PCDHA3: variants seen among roughly 807,000 people sequenced by gnomAD.
The protein encoded by PCDHA3 is protocadherin alpha-3.
In PCDHA3, 41 loss-of-function variants were observed where a neutral mutation model predicts 62.2. That is an observed-to-expected ratio of 0.66 (90% confidence interval 0.51 to 0.86). The LOEUF is 0.86. Ranked by LOEUF, PCDHA3 falls within the 40% of genes least tolerant of loss-of-function variation. The pLI is 0.00. For synonymous variants in PCDHA3, 640 were observed against 555.4 expected (o/e 1.15, Z -2.14); for missense variants, 1,304 against 1,241.2 (o/e 1.05, Z -0.76).
intron 1 of PCDHA3, chr5:140,870,179 G>T (rs184228916): frequency 2.5e-6 from 4 of 1,613,986 alleles, no homozygotes; most frequent in African/African-American, 2.7e-5. Context: ...CTCCCAGTAC[G>T]AGAGGACGCT....
intron 1 of PCDHA3, chr5:140,928,442 A>G (rs781976941): frequency 1.2e-6 from 2 of 1,614,166 alleles, no homozygotes; most frequent in South Asian, 1.1e-5. Flanking sequence ...GACTTTGAGC[A>G]GCTCAGGGGG....
In PCDHA3 at chr5:140,850,828, C is replaced by G. The variant is rs2150499866; in HGVS notation, c.2394+47237C>G. 6.3e-7 allele frequency: 1 copy of G among 1,598,230 alleles called. No homozygotes were observed. Among genetic ancestry groups the G allele is most frequent in the East Asian group, 2.2e-5 (1 of 44,856 alleles). On this transcript the variant is annotated intron_variant, in intron 1 of 3. Coordinates refer to ENST00000522353, the MANE Select transcript of PCDHA3 (RefSeq NM_018906.3). ...ATGGCCTTCAGCCCGGGCCTTTCTC[C>G]TTGTGCTGGATCTACAGAGCGAACG...
chr5:140,842,856 C>G, intron 1 of PCDHA3: 1 of 1,593,922 alleles, frequency 6.3e-7, no homozygotes, highest in Non-Finnish European at 8.6e-7. Flanking sequence ...TCGGTGCACA[C>G]GGAGAGCGGC....
chr5:140,914,944 C>CTTT (rs35695909), intron 1 of PCDHA3, among the ~76,000 whole-genome samples: 2 of 128,266 alleles, frequency 1.6e-5, no homozygotes, highest in Non-Finnish European at 3.3e-5. Context: ...GAAAAGTTGT[C>CTTT]TTTTTTTTTT....
intron 1 of PCDHA3, chr5:140,809,475 G>C (rs782745865): frequency 6.2e-7 from 1 of 1,614,098 alleles, no homozygotes; most frequent in Non-Finnish European, 8.5e-7. Flanking sequence ...TCTGGTGAGG[G>C]CCCACCCAAG....
chr5:140,955,324 T>G (rs1358791050), intron 1 of PCDHA3, among the ~76,000 whole-genome samples: 8 of 152,186 alleles, frequency 5.3e-5, no homozygotes, highest in Non-Finnish European at 8.8e-5. Flanking sequence ...CCTTGAATTG[T>G]AGTTCCCATA....
Position 140,980,736 on chromosome 5 carries a change from A to G in PCDHA3, c.2453+1729A>G, listed in dbSNP as rs1014210313. 6.6e-5 allele frequency among the ~76,000 whole-genome samples: 10 copies of G among 152,312 alleles called. No individual in the cohort carries two copies. The East Asian group carries it at 1.9e-3, about 29-fold the overall frequency. ...TTCGGGTTTCAATTAAGATATTATG[A>G]GATTTGAGTAGGGTAAGAAATAAAA... On this transcript the variant is annotated intron_variant, in intron 2 of 3. Transcript: ENST00000522353.
chr5:140,856,479 C>T, intron 1 of PCDHA3: 1 of 1,598,354 alleles, frequency 6.3e-7, no homozygotes, highest in Non-Finnish European at 8.6e-7. Context: ...ATACCTGAAT[C>T]CAGACTGCTT....
chr5:140,842,896 C>G, intron 1 of PCDHA3: 1 of 1,594,370 alleles, frequency 6.3e-7, no homozygotes, highest in Non-Finnish European at 8.6e-7. Context: ...CGCTGGACCA[C>G]GAGGAGCTAG....
chr5:140,942,511 CAG>C (rs574477918), intron 1 of PCDHA3, among the ~76,000 whole-genome samples: 21 of 151,458 alleles, frequency 1.4e-4, no homozygotes, highest in Non-Finnish European at 2.8e-4. Flanking sequence ...CTAGGAAACT[CAG>C]AGGGGAAGCA....
chr5:140,802,676 G>C lies in PCDHA3; in HGVS notation c.1479G>C (p.Ser493=), dbSNP rs541522479. Residue 493 remains serine (S), a synonymous_variant, in exon 1 of 4, where the codon TCG becomes TCC. Transcript: ENST00000522353. The stretch of plus-strand genomic sequence containing the variant: ...AGGAGAACGCCCTGGTGTCCTACTC[G>C]CTGGTGGAACGGCGGGTGGGGGAGC... ...DAQENALVSY[S]LVERRVGERA... is the part of the protein sequence containing the mutation. 1 of 1,613,260 alleles carries C rather than the reference G, an allele frequency of 6.2e-7. No homozygotes were observed. Among genetic ancestry groups the C allele is most frequent in the Admixed American group, 1.7e-5 (1 of 60,004 alleles).
At chr5:140,877,627 A>G (rs782765998) in intron 1 of PCDHA3, 3 of 1,613,732 alleles carry the variant, frequency 1.9e-6, no homozygotes, top group Admixed American at 3.3e-5. Context: ...GCTGCTGTAC[A>G]CTGCGCTGCG....
rs2150411211 is a variant in PCDHA3, at chr5:140,848,488, T to C, written c.2394+44897T>C. The C allele has an allele frequency of 1.0e-5, 16 of 1,574,158 alleles. 1 individual carries two copies. The highest frequency in any genetic ancestry group is 3.4e-4 in the Middle Eastern group (2 of 5,918). On this transcript the variant is annotated intron_variant, in intron 1 of 3. Coordinates refer to ENST00000522353, the MANE Select transcript of PCDHA3 (RefSeq NM_018906.3). ...TTTCACTAATTAGAAGAAGACTGAG[T>C]ATTTGAAATGTTATACTCAAGTCGA... is the stretch of plus-strand genomic sequence containing the variant.
intron 1 of PCDHA3, among the ~76,000 whole-genome samples, chr5:140,839,019 G>A (rs1394721397): frequency 6.6e-6 from 1 of 151,970 alleles, no homozygotes; most frequent in African/African-American, 2.4e-5. Flanking sequence ...AATTATTTTA[G>A]GATATGTTAC....
Position 140,821,928 on chromosome 5 carries a change from A to G in PCDHA3, c.2394+18337A>G, listed in dbSNP as rs147874482. Reference sequence around the variant, plus strand: ...TCGTTGGCCGCATCGCGCAGGACCTAGGGCTGGAGCTGGCGGAGCTGGTGC... The same window carrying G: ...TCGTTGGCCGCATCGCGCAGGACCTGGGGCTGGAGCTGGCGGAGCTGGTGC... On this transcript the variant is annotated intron_variant, in intron 1 of 3. Coordinates refer to ENST00000522353, the MANE Select transcript of PCDHA3 (RefSeq NM_018906.3). 9.9e-6 allele frequency: 16 copies of G among 1,614,034 alleles called. No individual in the cohort carries two copies. The African/African-American group carries it at 1.7e-4, about 17-fold the overall frequency.
intron 1 of PCDHA3, chr5:140,875,267 C>T (rs1203068511): frequency 2.5e-6 from 3 of 1,210,992 alleles, no homozygotes; most frequent in Admixed American, 3.0e-5. Context: ...TGTCGCTCTA[C>T]ACTCAGAAGG....
rs112848471 is a variant in PCDHA3, at chr5:140,995,109, C to G, written c.2542+12546C>G. ...TATCTGTGGAGATACATTCCAAGAC[C>G]CTCAGTGGATGCCTGAAACCTCATT... On this transcript the variant is annotated intron_variant, in intron 3 of 3. Transcript: ENST00000522353. Among the ~76,000 whole-genome samples, 792 of 152,268 alleles carry G rather than the reference C, an allele frequency of 5.2e-3. 8 individuals are homozygous for G. Among genetic ancestry groups the G allele is most frequent in the African/African-American group, 0.019 (770 of 41,540 alleles).
intron 1 of PCDHA3, chr5:140,824,328 T>C: frequency 4.6e-6 from 3 of 658,016 alleles, no homozygotes; most frequent in Non-Finnish European, 7.8e-6. Flanking sequence ...CTTTCTGTGA[T>C]ATTAAGTGTT....
At chr5:140,860,049 G>C (rs2046155952) in intron 1 of PCDHA3, 1 of 151,206 alleles carries the variant, frequency 6.6e-6, no homozygotes, top group Non-Finnish European at 1.5e-5. Context: ...AGCATTTTGA[G>C]AGGCCAAGGT....
Sources: gnomAD v4.1 joint callset for allele counts (sites outside exome capture counted in the v4.1 genomes callset) on GRCh38, gnomAD v4.1.1 for gene constraint, MANE v1.5 for transcripts, NCBI Gene and HGNC (gene_info 2026-07-23, HGNC 2026-07-21) for gene names.